ZNF763: variants seen among roughly 807,000 people sequenced by gnomAD.
The protein encoded by ZNF763 is zinc finger protein 763.
Under a neutral mutation model 38.0 loss-of-function variants are expected in ZNF763, and 33 were observed. That is an observed-to-expected ratio of 0.87 (90% CI 0.66 to 1.16). ZNF763 has a LOEUF of 1.16. Ranked by LOEUF, ZNF763 falls within the 50% of genes most tolerant of loss-of-function variation. The pLI is 0.00. For missense variants in ZNF763, 423 were observed against 469.1 expected, an observed-to-expected ratio of 0.90 and a Z score of 0.91; for synonymous variants, 155 against 160.1, an observed-to-expected ratio of 0.97 and a Z score of 0.24.
Position 11,965,181 on chromosome 19 carries a change from G to A in ZNF763, c.-28G>A. 7.4e-6 allele frequency: 12 copies of A among 1,614,010 alleles called. No individual in the cohort carries two copies. Among genetic ancestry groups the A allele is most frequent in the Non-Finnish European group, 1.0e-5 (12 of 1,179,914 alleles). On this transcript the variant is annotated 5_prime_UTR_variant, in exon 1 of 4. Transcript: ENST00000358987. ...TCTGTAGTCACAGGAGCTGTAGAGAGGACCCCAGGACATCTGAAAGCCAGG... is the reference window on the plus strand; with the variant it reads ...TCTGTAGTCACAGGAGCTGTAGAGAAGACCCCAGGACATCTGAAAGCCAGG...
intron 1 of ZNF763, among the ~76,000 whole-genome samples, chr19:11,973,948 A>G (rs951925304): frequency 1.3e-5 from 2 of 152,166 alleles, no homozygotes; most frequent in East Asian, 1.9e-4. Flanking sequence ...ATTCACATCC[A>G]TAGTGAAGGA....
At chr19:11,969,866 A>C (rs962556622) in intron 1 of ZNF763, among the ~76,000 whole-genome samples, 2 of 152,156 alleles carry the variant, frequency 1.3e-5, no homozygotes, top group Non-Finnish European at 2.9e-5. Flanking sequence ...CTTTGGGATG[A>C]GGTTCCTTTC....
At chr19:11,973,473 C>T (rs1438187807) in intron 1 of ZNF763, among the ~76,000 whole-genome samples, 1 of 152,106 alleles carries the variant, frequency 6.6e-6, no homozygotes, top group Non-Finnish European at 1.5e-5. Context: ...CCTCAGCTTC[C>T]CAGAGTGCTG....
intron 1 of ZNF763, among the ~76,000 whole-genome samples, chr19:11,967,106 G>A (rs558800311): frequency 5.4e-4 from 82 of 152,292 alleles, no homozygotes; most frequent in African/African-American, 1.5e-3. Context: ...AGGCCAAGGC[G>A]GGAGGATCAC....
intron 3 of ZNF763, 100 bp downstream of exon 3, chr19:11,977,531 T>C: frequency 7.2e-7 from 1 of 1,395,662 alleles, no homozygotes; most frequent in Non-Finnish European, 9.9e-7. Context: ...CAGTATCAAA[T>C]TCATCTCTTC....
In ZNF763 at chr19:11,979,232, C is replaced by G. The variant is rs771550687; in HGVS notation, c.*123C>G. ...GGTAAAGCCTTCAATCTTTCCAGTT[C>G]CTTTCAGTATCATGAAAGGACTCAC... On this transcript the variant is annotated 3_prime_UTR_variant, in exon 4 of 4. Transcript: ENST00000358987. The G allele has an allele frequency of 5.8e-4, 939 of 1,612,152 alleles. No homozygotes were observed. Among genetic ancestry groups the G allele is most frequent in the Non-Finnish European group, 7.3e-4 (865 of 1,179,300 alleles).
intron 1 of ZNF763, among the ~76,000 whole-genome samples, chr19:11,974,068 CT>C (rs1157449165): frequency 8.5e-5 from 11 of 129,014 alleles, no homozygotes; most frequent in African/African-American, 3.4e-4. Flanking sequence ...TTCCTTCTTT[CT>C]TTTCTTTCTT....
At chr19:11,973,247 C>T (rs1166210727) in intron 1 of ZNF763, among the ~76,000 whole-genome samples, 2 of 152,106 alleles carry the variant, frequency 1.3e-5, no homozygotes, top group African/African-American at 4.8e-5. Context: ...ATGTTCCTTC[C>T]TCTAGAGTTT....
chr19:11,973,510 C>T (rs1315786225), intron 1 of ZNF763, among the ~76,000 whole-genome samples: 2 of 152,050 alleles, frequency 1.3e-5, no homozygotes, highest in East Asian at 3.9e-4. Flanking sequence ...CCACCACGTT[C>T]GGCCACTCAT....
chr19:11,980,105 C>T lies in ZNF763; in HGVS notation c.*996C>T, dbSNP rs1973588812. ...TGGAAAAACCTTCAGATCTACCTCA[C>T]ACCTTCGAAAACATGGTAGGACTCA... On this transcript the variant is annotated 3_prime_UTR_variant, in exon 4 of 4. Transcript: ENST00000358987. 2.1e-6 allele frequency: 2 copies of T among 933,160 alleles called. No homozygotes were observed. The highest frequency in any genetic ancestry group is 3.3e-6 in the Non-Finnish European group (2 of 607,396). 57.8% of individuals were successfully genotyped at this position (933,160 alleles called of 1,614,324 possible).
At position 11,974,069 on chromosome 19, in the gene ZNF763, T is replaced by TTTTCTTTC. The variant is rs199661683; in HGVS notation, c.4-2917_4-2910dup. Among the ~76,000 whole-genome samples the TTTTCTTTC allele has an allele frequency of 6.5e-3, 742 of 114,788 alleles. 8 individuals carry two copies. The highest frequency in any genetic ancestry group is 9.9e-3 in the South Asian group (31 of 3,116). 75.3% of individuals were successfully genotyped at this position (114,788 alleles called of 152,430 possible). On this transcript the variant is annotated intron_variant, in intron 1 of 3. Coordinates refer to ENST00000358987, the MANE Select transcript of ZNF763 (RefSeq NM_001367172.2). Reference sequence around the variant, plus strand: ...CTTTCTTTCTTTCTTTCCTTCTTTCTTTTCTTTCTTTCTTTCTTTCTTTCT... The same window carrying TTTTCTTTC: ...CTTTCTTTCTTTCTTTCCTTCTTTCTTTTCTTTCTTTCTTTCTTTCTTTCTTTCTTTCT...
chr19:11,979,579 C>T lies in ZNF763; in HGVS notation c.*470C>T. On this transcript the variant is annotated 3_prime_UTR_variant, in exon 4 of 4. Transcript: ENST00000358987. ...AATGTGGTAAAGCCTTCAGTAGTTC[C>T]AGTTCCTTTTGGTACCATGAAAGGA... 6 of 1,604,610 alleles carry T rather than the reference C, an allele frequency of 3.7e-6. No homozygotes were observed. The highest frequency in any genetic ancestry group is 5.1e-6 in the Non-Finnish European group (6 of 1,173,240).
intron 1 of ZNF763, among the ~76,000 whole-genome samples, chr19:11,970,989 C>G (rs2145329958): frequency 6.6e-6 from 1 of 152,188 alleles, no homozygotes; most frequent in East Asian, 1.9e-4. Flanking sequence ...TTGCTGTTTT[C>G]CATTGGTCTG....
chr19:11,976,584 T>C lies in ZNF763; in HGVS notation c.4-454T>C, dbSNP rs568615922. Among the ~76,000 whole-genome samples, 5 of 140,230 alleles carry C rather than the reference T, an allele frequency of 3.6e-5. No individual in the cohort carries two copies. The East Asian group carries it at 1.0e-3, about 29-fold the overall frequency. The allele number at this position is 140,230 out of a possible 152,430, so 92.0% of individuals were successfully genotyped here. A position where few individuals can be genotyped will look rare whatever the true frequency, so the allele number is the denominator to read the frequency against. On this transcript the variant is annotated intron_variant, in intron 1 of 3. Coordinates refer to ENST00000358987, the MANE Select transcript of ZNF763 (RefSeq NM_001367172.2). ...AAAAAAAAAAAAAAAAAAAAATTGC[T>C]GGCCAGGTGTGGTGGCTCATGCCTG...
In ZNF763 at chr19:11,979,977, C is replaced by A. The variant is rs921343357; in HGVS notation, c.*868C>A. ...GAAAAATCTTACACTGGAGAGAAAC[C>A]CTATGAGTGTAAGCAATGTGGGAAA... On this transcript the variant is annotated 3_prime_UTR_variant, in exon 4 of 4. Transcript: ENST00000358987. 4.1e-6 allele frequency: 5 copies of A among 1,208,602 alleles called. No homozygotes were observed. The African/African-American group carries it at 7.6e-5, about 18-fold the overall frequency. 74.9% of individuals were successfully genotyped at this position (1,208,602 alleles called of 1,614,324 possible).
intron 1 of ZNF763, among the ~76,000 whole-genome samples, chr19:11,976,256 C>T (rs1399179391): frequency 1.3e-5 from 2 of 151,612 alleles, no homozygotes; most frequent in Admixed American, 6.6e-5. Context: ...GACTCTATTA[C>T]GACAGGTGCT....
intron 1 of ZNF763, among the ~76,000 whole-genome samples, chr19:11,971,549 G>GA (rs904352615): frequency 1.3e-5 from 2 of 151,794 alleles, no homozygotes; most frequent in African/African-American, 4.8e-5. Flanking sequence ...TAATTTTAGT[G>GA]AAAAAAACAA....
rs1973425613 is a variant in ZNF763 at position 11,974,129 on chromosome 19, T to TTTC, written c.4-2909_4-2908insTTC. Among the ~76,000 whole-genome samples the TTTC allele has an allele frequency of 8.7e-5, 8 of 92,202 alleles. 1 individual carries two copies. The highest frequency in any genetic ancestry group is 6.7e-4 in the Admixed American group (6 of 8,898). 60.5% of individuals were successfully genotyped at this position (92,202 alleles called of 152,430 possible). On this transcript the variant is annotated intron_variant, in intron 1 of 3. Coordinates refer to ENST00000358987, the MANE Select transcript of ZNF763 (RefSeq NM_001367172.2). The stretch of plus-strand genomic sequence containing the variant: ...TCTTTCTTTCTTTCTTTCTTTCTTT[T>TTTC]CTTTCTTTCTTTCTTTCTTTCTTTC...
Position 11,979,452 on chromosome 19 carries a change from G to A in ZNF763, c.*343G>A, listed in dbSNP as rs1375894468. 2 of 1,604,904 alleles carry A rather than the reference G, an allele frequency of 1.2e-6. No homozygotes were observed. Among genetic ancestry groups the A allele is most frequent in the East Asian group, 2.2e-5 (1 of 44,588 alleles). ...CACATAAGAATACACTCTGGAGAAA[G>A]ACCTTATAAATGTAAGACATGTGGG... On this transcript the variant is annotated 3_prime_UTR_variant, in exon 4 of 4. Coordinates refer to ENST00000358987, the MANE Select transcript of ZNF763 (RefSeq NM_001367172.2).
Sources: gnomAD v4.1 joint callset for allele counts (sites outside exome capture counted in the v4.1 genomes callset) on GRCh38, gnomAD v4.1.1 for gene constraint, MANE v1.5 for transcripts, NCBI Gene and HGNC (gene_info 2026-07-23, HGNC 2026-07-21) for gene names.